CACNA2D3: variants seen among roughly 807,000 people sequenced by gnomAD.
CACNA2D3 encodes the protein voltage-dependent calcium channel subunit alpha-2/delta-3.
A neutral mutation model predicts 160.6 loss-of-function variants in CACNA2D3; 60 were observed. The ratio of observed to expected loss-of-function variants is 0.37; its 90% CI spans 0.30 to 0.46. The LOEUF is 0.46. Ranked by LOEUF, CACNA2D3 falls within the 20% of genes least tolerant of loss-of-function variation. CACNA2D3 has a pLI of 1.00. For missense variants in CACNA2D3, 1,205 were observed against 1,365.0 expected (o/e 0.88, Z 1.85); for synonymous variants, 558 against 492.9 (o/e 1.13, Z -1.75).
At chr3:54,196,804 A>T (rs1701088873) in intron 2 of CACNA2D3, among the ~76,000 whole-genome samples, 1 of 152,194 alleles carries the variant, frequency 6.6e-6, no homozygotes, top group Admixed American at 6.5e-5. Context: ...GAATTTACTG[A>T]ATTCCAAATG....
intron 13 of CACNA2D3, among the ~76,000 whole-genome samples, chr3:54,785,794 C>A (rs1330253823): frequency 6.6e-6 from 1 of 152,184 alleles, no homozygotes; most frequent in Non-Finnish European, 1.5e-5. Context: ...GAGGCAAACA[C>A]CATGTCACTG....
chr3:54,461,609 A>G (rs937996072), intron 4 of CACNA2D3, among the ~76,000 whole-genome samples: 1 of 151,646 alleles, frequency 6.6e-6, no homozygotes, highest in South Asian at 2.1e-4. Context: ...ATTTCTGTGG[A>G]ATCGGTGGTG....
intron 4 of CACNA2D3, among the ~76,000 whole-genome samples, chr3:54,425,842 A>G (rs1186843598): frequency 1.3e-5 from 2 of 152,190 alleles, no homozygotes; most frequent in East Asian, 1.9e-4. Flanking sequence ...AGCAGACTAA[A>G]GCTTTTGGAG....
At chr3:54,477,349 G>A (rs1407319085) in intron 4 of CACNA2D3, among the ~76,000 whole-genome samples, 2 of 152,010 alleles carry the variant, frequency 1.3e-5, no homozygotes, top group African/African-American at 4.8e-5. Context: ...TGGAAGCCAT[G>A]CATTGCGAAT....
At chr3:54,456,812 C>T (rs552996042) in intron 4 of CACNA2D3, among the ~76,000 whole-genome samples, 4 of 151,966 alleles carry the variant, frequency 2.6e-5, no homozygotes, top group Non-Finnish European at 5.9e-5. Flanking sequence ...TCTATTTCTT[C>T]TTGGCAAAAT....
chr3:54,593,740 T>C (rs1702903422), intron 9 of CACNA2D3, among the ~76,000 whole-genome samples: 1 of 152,210 alleles, frequency 6.6e-6, no homozygotes, highest in Non-Finnish European at 1.5e-5. Context: ...TGCTTATCCC[T>C]TGATAAGCAC....
intron 27 of CACNA2D3, among the ~76,000 whole-genome samples, chr3:54,960,327 A>G (rs1702001074): frequency 6.6e-6 from 1 of 152,178 alleles, no homozygotes. Flanking sequence ...AAAAGCATGT[A>G]TAAGAAAGAT....
chr3:54,940,880 G>A (rs1298621037), intron 27 of CACNA2D3, among the ~76,000 whole-genome samples: 1 of 152,108 alleles, frequency 6.6e-6, no homozygotes, highest in East Asian at 1.9e-4. Context: ...GGAGCCAAAG[G>A]TATCTGTATG....
intron 14 of CACNA2D3, among the ~76,000 whole-genome samples, chr3:54,822,814 T>C (rs1406586676): frequency 1.3e-4 from 16 of 123,522 alleles, no homozygotes; most frequent in African/African-American, 5.5e-4. Context: ...TTTCTTTCTT[T>C]CTTTCTTTCT....
chr3:54,615,121 C>T (rs1011563378), intron 9 of CACNA2D3, among the ~76,000 whole-genome samples: 13 of 152,136 alleles, frequency 8.5e-5, no homozygotes, highest in South Asian at 2.1e-4. Flanking sequence ...AGCACTTCTT[C>T]GCAGAAATTG....
At position 54,455,653 on chromosome 3, in the gene CACNA2D3, C is replaced by G. The variant is rs9834171; in HGVS notation, c.382-47839C>G. Among the ~76,000 whole-genome samples, 1,391 of 152,184 alleles carry G rather than the reference C, an allele frequency of 9.1e-3. 15 individuals carry two copies. Among genetic ancestry groups the G allele is most frequent in the African/African-American group, 0.031 (1,283 of 41,532 alleles). On this transcript the variant is annotated intron_variant, in intron 4 of 37. Coordinates refer to ENST00000474759, the MANE Select transcript of CACNA2D3 (RefSeq NM_018398.3). ...CTTTGCCATAAAATCTTTGCCAGATCAATGTCCTGAAGCATTTCTCCTATG... is the reference window on the plus strand; with the variant it reads ...CTTTGCCATAAAATCTTTGCCAGATGAATGTCCTGAAGCATTTCTCCTATG...
chr3:54,482,388 A>G (rs1037488273), intron 4 of CACNA2D3, among the ~76,000 whole-genome samples: 2 of 152,230 alleles, frequency 1.3e-5, no homozygotes, highest in African/African-American at 4.8e-5. Context: ...TAGTTCAACA[A>G]TTGGAGCTTT....
intron 2 of CACNA2D3, among the ~76,000 whole-genome samples, chr3:54,246,842 A>G (rs151049709): frequency 0.013 from 2,052 of 152,342 alleles, 36 homozygotes; most frequent in African/African-American, 0.045. Flanking sequence ...AAAAGCTGCT[A>G]TGAACCAGCT....
chr3:54,544,386 C>G (rs942917774), intron 5 of CACNA2D3, among the ~76,000 whole-genome samples: 46 of 150,104 alleles, frequency 3.1e-4, no homozygotes, highest in African/African-American at 8.2e-4. Context: ...CTTACAGTGA[C>G]CAAACTAGCC....
rs1264625213 is a variant in CACNA2D3, at chr3:54,122,572, A to G, written c.-142A>G. ...CACCCGCTCCTTTTTCTGCTCCCCA[A>G]GTGAGCCGGGCGCGCGAGAGGCAGG... On this transcript the variant is annotated 5_prime_UTR_variant, in exon 1 of 38. Transcript: ENST00000474759. 6.0e-5 allele frequency: 9 copies of G among 149,902 alleles called. No homozygotes were observed. Among genetic ancestry groups the G allele is most frequent in the Non-Finnish European group, 9.6e-5 (8 of 83,342 alleles). 9.3% of individuals were successfully genotyped at this position (149,902 alleles called of 1,614,324 possible). A position where few individuals can be genotyped will look rare whatever the true frequency, so the allele number is the denominator to read the frequency against.
intron 11 of CACNA2D3, among the ~76,000 whole-genome samples, chr3:54,694,384 C>G (rs2106937620): frequency 6.6e-6 from 1 of 152,338 alleles, no homozygotes; most frequent in Non-Finnish European, 1.5e-5. Context: ...ACAACCAAAT[C>G]TTGTAATAAC....
chr3:54,579,874 C>T (rs1702645222), intron 8 of CACNA2D3, among the ~76,000 whole-genome samples: 1 of 152,124 alleles, frequency 6.6e-6, no homozygotes, highest in South Asian at 2.1e-4. Flanking sequence ...TTTCTCCATG[C>T]CTTGTTAGAA....
At chr3:54,945,954 C>T (rs1296002729) in intron 27 of CACNA2D3, among the ~76,000 whole-genome samples, 1 of 152,214 alleles carries the variant, frequency 6.6e-6, no homozygotes, top group African/African-American at 2.4e-5. Context: ...TATCCCGGCT[C>T]CTGCTCTTCA....
intron 3 of CACNA2D3, among the ~76,000 whole-genome samples, chr3:54,349,176 T>C (rs1176491211): frequency 2.0e-5 from 3 of 152,168 alleles, no homozygotes; most frequent in Non-Finnish European, 4.4e-5. Flanking sequence ...TGAGCTGTTC[T>C]TGCAATTGCA....
Sources: gnomAD v4.1 joint callset for allele counts (sites outside exome capture counted in the v4.1 genomes callset) on GRCh38, gnomAD v4.1.1 for gene constraint, MANE v1.5 for transcripts, NCBI Gene and HGNC (gene_info 2026-07-23, HGNC 2026-07-21) for gene names.